RBFOX1: variants seen among roughly 807,000 people sequenced by gnomAD.
The protein encoded by RBFOX1 is RNA binding fox-1 homolog 1, also known as RNA binding protein fox-1 homolog 1.
A neutral mutation model predicts 57.7 loss-of-function variants in RBFOX1; 8 were observed. The ratio of observed to expected loss-of-function variants is 0.14; its 90% CI spans 0.08 to 0.25. The LOEUF (loss-of-function observed/expected upper bound fraction) is 0.25. RBFOX1 is among the 10% of genes least tolerant of loss of function. RBFOX1 has a pLI of 1.00. For missense variants in RBFOX1, 611 were observed against 548.5 expected, an observed-to-expected ratio of 1.11 and a Z score of -1.14; for synonymous variants, 326 against 222.4, an observed-to-expected ratio of 1.47 and a Z score of -4.15.
intron 4 of RBFOX1, among the ~76,000 whole-genome samples, chr16:7,066,458 G>A (rs959195706): frequency 4.2e-4 from 64 of 152,160 alleles, no homozygotes; most frequent in Admixed American, 1.4e-3. Context: ...ACCTTTGTAG[G>A]ATCCAACTAT....
chr16:7,327,255 A>T (rs1035944551), intron 4 of RBFOX1, among the ~76,000 whole-genome samples: 7 of 152,226 alleles, frequency 4.6e-5, no homozygotes, highest in African/African-American at 1.4e-4. Flanking sequence ...GTTTAAATGG[A>T]AAAGTGGATT....
At chr16:5,904,976 C>CAAAA (rs57824134) in intron 4 of RBFOX1, among the ~76,000 whole-genome samples, 2 of 66,820 alleles carry the variant, frequency 3.0e-5, no homozygotes, top group African/African-American at 1.2e-4. Context: ...GACTCCGTCT[C>CAAAA]AAAAAAAAAA....
chr16:5,418,211 G>A (rs1036177835), intron 1 of RBFOX1, among the ~76,000 whole-genome samples: 1 of 152,192 alleles, frequency 6.6e-6, no homozygotes, highest in African/African-American at 2.4e-5. Context: ...ATGGTCAATA[G>A]TGTAGTTATT....
chr16:5,834,445 G>T (rs1402371723), intron 3 of RBFOX1, among the ~76,000 whole-genome samples: 1 of 152,144 alleles, frequency 6.6e-6, no homozygotes, highest in African/African-American at 2.4e-5. Context: ...TTCTTTTCAT[G>T]GCTGAGTAGT....
intron 1 of RBFOX1, among the ~76,000 whole-genome samples, chr16:6,100,202 AC>A (rs2096287596): frequency 6.6e-6 from 1 of 151,638 alleles, no homozygotes; most frequent in African/African-American, 2.4e-5. Context: ...TTGCTCTGTC[AC>A]CCAGGCTGGA....
intron 3 of RBFOX1, among the ~76,000 whole-genome samples, chr16:5,722,452 A>G (rs2051970455): frequency 6.6e-6 from 1 of 152,212 alleles, no homozygotes; most frequent in Non-Finnish European, 1.5e-5. Context: ...CATTTGCTGT[A>G]GAGAAATCCA....
At chr16:6,451,691 G>A (rs1826779945) in intron 2 of RBFOX1, among the ~76,000 whole-genome samples, 1 of 152,084 alleles carries the variant, frequency 6.6e-6, no homozygotes, top group Non-Finnish European at 1.5e-5. Flanking sequence ...CCCTTTACTG[G>A]GGCAGGTGTC....
At position 6,980,928 on chromosome 16, in the gene RBFOX1, A is replaced by G. The variant is rs568841243; in HGVS notation, c.-15-71129A>G. Among the ~76,000 whole-genome samples the G allele has an allele frequency of 2.0e-5, 3 of 150,556 alleles. No homozygotes were observed. In the East Asian group the frequency reaches 6.1e-4, roughly 31 times the overall value. On this transcript the variant is annotated intron_variant, in intron 3 of 15. Transcript: ENST00000550418. ...CATGGTGGTGTGTGCTTGTAATCCC[A>G]ATTAATCGGGAGTCTGAGGCATGAG...
At chr16:7,509,089 T>C (rs955029344) in intron 4 of RBFOX1, among the ~76,000 whole-genome samples, 6 of 152,242 alleles carry the variant, frequency 3.9e-5, no homozygotes, top group African/African-American at 1.4e-4. Flanking sequence ...GGGATTTCAC[T>C]GGGGAATTTT....
At chr16:5,581,646 A>C (rs1311008544) in intron 2 of RBFOX1, among the ~76,000 whole-genome samples, 2 of 152,204 alleles carry the variant, frequency 1.3e-5, no homozygotes, top group African/African-American at 4.8e-5. Flanking sequence ...TTTGACATGA[A>C]GGATGTGTAG....
At chr16:6,377,925 C>G (rs1219704583) in intron 2 of RBFOX1, among the ~76,000 whole-genome samples, 1 of 152,138 alleles carries the variant, frequency 6.6e-6, no homozygotes, top group African/African-American at 2.4e-5. Flanking sequence ...AGGTGCTTCT[C>G]AAAGATGATT....
chr16:7,181,487 C>T (rs1391306170), intron 4 of RBFOX1, among the ~76,000 whole-genome samples: 1 of 151,930 alleles, frequency 6.6e-6, no homozygotes, highest in Non-Finnish European at 1.5e-5. Flanking sequence ...AGAGAATTAA[C>T]TAAATTCCTT....
intron 10 of RBFOX1, among the ~76,000 whole-genome samples, chr16:7,618,412 T>C (rs995107651): frequency 2.0e-5 from 3 of 152,144 alleles, no homozygotes; most frequent in African/African-American, 7.2e-5. Flanking sequence ...ACCCTGCAGA[T>C]TGGGTTCTTA....
At chr16:6,665,160 T>G (rs2098723921) in intron 3 of RBFOX1, among the ~76,000 whole-genome samples, 1 of 152,176 alleles carries the variant, frequency 6.6e-6, no homozygotes, top group African/African-American at 2.4e-5. Context: ...CTCCCACCTG[T>G]GGAGAAAAGG....
intron 2 of RBFOX1, among the ~76,000 whole-genome samples, chr16:5,508,412 T>A (rs1420874769): frequency 6.6e-6 from 1 of 152,060 alleles, no homozygotes; most frequent in African/African-American, 2.4e-5. Flanking sequence ...AGAGACAGAG[T>A]CTCCTAGCAA....
chr16:7,045,486 C>G (rs2047596301), intron 3 of RBFOX1, among the ~76,000 whole-genome samples: 1 of 152,074 alleles, frequency 6.6e-6, no homozygotes, highest in Non-Finnish European at 1.5e-5. Context: ...TTGGATTTTG[C>G]ATTGTCTGCA....
chr16:7,530,511 A>T (rs1390566847), intron 5 of RBFOX1, among the ~76,000 whole-genome samples: 1 of 152,020 alleles, frequency 6.6e-6, no homozygotes, highest in Non-Finnish European at 1.5e-5. Context: ...CTTAAAAAAA[A>T]AAAAAAAGTC....
At chr16:6,825,303 A>G (rs527768037) in intron 3 of RBFOX1, among the ~76,000 whole-genome samples, 1 of 151,382 alleles carries the variant, frequency 6.6e-6, no homozygotes, top group Non-Finnish European at 1.5e-5. Flanking sequence ...GTCTGTAGAT[A>G]TTGCCCATGT....
chr16:5,901,625 G>A (rs1268790863), intron 4 of RBFOX1, among the ~76,000 whole-genome samples: 1 of 152,160 alleles, frequency 6.6e-6, no homozygotes, highest in Non-Finnish European at 1.5e-5. Flanking sequence ...GCCTCATGGA[G>A]CTCAAGGCTG....
Sources: gnomAD v4.1 joint callset for allele counts (sites outside exome capture counted in the v4.1 genomes callset) on GRCh38, gnomAD v4.1.1 for gene constraint, MANE v1.5 for transcripts, NCBI Gene and HGNC (gene_info 2026-07-23, HGNC 2026-07-21) for gene names.